EMC3: variants seen among roughly 807,000 people sequenced by gnomAD.
EMC3 encodes the protein ER membrane protein complex subunit 3.
Under a neutral mutation model 36.6 loss-of-function variants are expected in EMC3, and 13 were observed. That is an observed-to-expected ratio of 0.35 (90% CI 0.23 to 0.56). The LOEUF is 0.56. Among genes scored for constraint, EMC3 ranks in the 20% least tolerant of loss-of-function variants. EMC3 has a pLI of 0.84. For synonymous variants in EMC3, 120 were observed against 111.9 expected, an observed-to-expected ratio of 1.07 and a Z score of -0.46; for missense variants, 220 against 324.5, an observed-to-expected ratio of 0.68 and a Z score of 2.47.
upstream of EMC3, chr3:9,988,580 A>G: frequency 1.1e-6 from 1 of 878,682 alleles, no homozygotes; most frequent in South Asian, 1.3e-5. Flanking sequence ...AACTCATTCA[A>G]GTGGAAATGA....
At chr3:9,991,512 GGGT>G (rs907753995), upstream of EMC3, among the ~76,000 whole-genome samples, 28 of 152,118 alleles carry the variant, frequency 1.8e-4, no homozygotes, top group South Asian at 8.3e-4. Context: ...CTATGATTAT[GGGT>G]GGTGGTGGTG....
chr3:9,974,758 C>T (rs528424049), intron 3 of EMC3, among the ~76,000 whole-genome samples: 1 of 152,108 alleles, frequency 6.6e-6, no homozygotes, highest in East Asian at 1.9e-4. Context: ...CGGGGTTTCA[C>T]CGTGTCAGCC....
chr3:10,008,865 CAAT>C, intron 1 of EMC3: 1 of 192,970 alleles, frequency 5.2e-6, no homozygotes, highest in South Asian at 7.5e-5. Flanking sequence ...AGTATTTGTG[CAAT>C]CAGTGAGACC....
At chr3:9,976,356 G>A (rs940725626) in intron 3 of EMC3, among the ~76,000 whole-genome samples, 2 of 152,134 alleles carry the variant, frequency 1.3e-5, no homozygotes, top group African/African-American at 4.8e-5. Context: ...CAATCCACCT[G>A]ACTCAGCCTC....
intron 1 of EMC3, among the ~76,000 whole-genome samples, chr3:10,007,987 T>A (rs2086282219): frequency 6.6e-6 from 1 of 152,172 alleles, no homozygotes; most frequent in African/African-American, 2.4e-5. Flanking sequence ...ATAGGGCTCC[T>A]TGTCTCCCCA....
intron 1 of EMC3, among the ~76,000 whole-genome samples, chr3:9,980,312 C>T (rs1050699765): frequency 6.6e-6 from 1 of 151,866 alleles, no homozygotes; most frequent in Non-Finnish European, 1.5e-5. Context: ...CCATGCCCAG[C>T]CAGGTCCCAC....
upstream of EMC3, chr3:9,986,850 A>AACGTT: frequency 7.2e-7 from 1 of 1,381,358 alleles, no homozygotes; most frequent in African/African-American, 1.5e-5. Context: ...TTCCGGCGCG[A>AACGTT]ACGTTGACGT....
At chr3:9,994,632 G>GC (rs2086100915) in intron 1 of EMC3, among the ~76,000 whole-genome samples, 1 of 151,416 alleles carries the variant, frequency 6.6e-6, no homozygotes, top group Non-Finnish European at 1.5e-5. Context: ...GTACAGTGGC[G>GC]CAATCTCGGC....
chr3:9,986,784 C>G lies in EMC3; in HGVS notation c.-123G>C. On this transcript the variant is annotated 5_prime_UTR_variant, in exon 1 of 8. Coordinates refer to ENST00000245046, the MANE Select transcript of EMC3 (RefSeq NM_001394674.1). ...CCCTTTGCCCGTGTACCCCAGAACT[C>G]TCCTGCGACTGTGAGCCGAGCTTAC... The G allele has an allele frequency of 1.3e-6, 2 of 1,487,144 alleles. No individual in the cohort carries two copies. The highest frequency in any genetic ancestry group is 1.8e-6 in the Non-Finnish European group (2 of 1,118,730). The allele number at this position is 1,487,144 out of a possible 1,614,324, so 92.1% of individuals were successfully genotyped here.
chr3:9,987,892 T>C, upstream of EMC3: 4 of 909,548 alleles, frequency 4.4e-6, no homozygotes, highest in African/African-American at 3.3e-5. Flanking sequence ...ATAGCTAATA[T>C]TAACTTTCTG....
intron 1 of EMC3, among the ~76,000 whole-genome samples, chr3:9,980,270 T>A (rs529273355): frequency 6.6e-5 from 10 of 152,076 alleles, no homozygotes; most frequent in African/African-American, 2.4e-4. Context: ...TGCCTCAGCC[T>A]CTCAAAGTGC....
intron 7 of EMC3, among the ~76,000 whole-genome samples, chr3:9,967,171 G>A (rs2085743173): frequency 6.6e-6 from 1 of 151,972 alleles, no homozygotes; most frequent in Admixed American, 6.6e-5. Context: ...TTGGGACTTT[G>A]ACCCATTTGA....
chr3:9,996,863 G>C (rs1046478539), intron 1 of EMC3, among the ~76,000 whole-genome samples: 2 of 152,028 alleles, frequency 1.3e-5, no homozygotes, highest in African/African-American at 4.8e-5. Flanking sequence ...TTTGCATTTA[G>C]CAGTTTATTT....
intron 3 of EMC3, 82 bp downstream of exon 3, chr3:9,976,875 A>T: frequency 1.1e-6 from 1 of 921,992 alleles, no homozygotes; most frequent in Non-Finnish European, 1.7e-6. Context: ...AAATAAAATG[A>T]CACCCTCCCT....
At chr3:9,993,269 T>C (rs373845184) in intron 1 of EMC3, among the ~76,000 whole-genome samples, 2 of 152,220 alleles carry the variant, frequency 1.3e-5, no homozygotes, top group Non-Finnish European at 2.9e-5. Context: ...AACGTAAATA[T>C]GGACCTATTT....
chr3:10,006,816 G>A (rs1286610168), intron 1 of EMC3: 1 of 423,428 alleles, frequency 2.4e-6, no homozygotes, highest in Non-Finnish European at 4.6e-6. Context: ...GATTGGAGAG[G>A]ACGAAGGCCC....
At chr3:9,983,885 C>T (rs1446788153) in intron 1 of EMC3, among the ~76,000 whole-genome samples, 1 of 152,072 alleles carries the variant, frequency 6.6e-6, no homozygotes, top group Non-Finnish European at 1.5e-5. Context: ...AGTACAGGCA[C>T]AATATTTCCC....
Position 9,973,707 on chromosome 3 carries a change from T to C in EMC3, c.415A>G (p.Lys139Glu). 1 of 1,614,088 alleles carries C rather than the reference T, an allele frequency of 6.2e-7. No homozygotes were observed. Among genetic ancestry groups the C allele is most frequent in the Non-Finnish European group, 8.5e-7 (1 of 1,179,914 alleles). ...CGGAGGGTCAGTGGAAATGGGACCT[T>C]GGCTGCAGAGAAGAAAAAGTTCACA... ...NMTFSGFVTT[K>E]VPFPLTLRFK... Residue 139 changes from lysine (K) to glutamate (E), a missense_variant and splice_region_variant, in exon 5 of 8, where the codon AAG (lysine) becomes GAG (glutamate). Physicochemically the swap from Lys to Glu is moderately conservative, Grantham distance 56 (BLOSUM62 1). This residue lies in a region of EMC3 where 127 missense variants were observed against 174.6 expected (regional missense o/e 0.73). Transcript: ENST00000245046.
chr3:10,005,833 C>T (rs1459783107), intron 1 of EMC3, among the ~76,000 whole-genome samples: 2 of 152,188 alleles, frequency 1.3e-5, no homozygotes, highest in African/African-American at 4.8e-5. Flanking sequence ...TTTTAGAGCA[C>T]ACAAAACAAG....
Sources: allele counts gnomAD v4.1 joint callset (sites outside exome capture counted in the v4.1 genomes callset), GRCh38; gene constraint gnomAD v4.1.1; regional missense constraint gnomAD v4.1.1; transcripts MANE v1.5; gene names NCBI Gene and HGNC (gene_info 2026-07-23, HGNC 2026-07-21).